Variants in CCSER1 observed in about 807,000 individuals in gnomAD.
CCSER1 encodes coiled-coil serine rich protein 1.
A neutral mutation model predicts 82.0 loss-of-function variants in CCSER1; 41 were observed. That is an observed-to-expected ratio of 0.50 (90% confidence interval 0.39 to 0.65). The LOEUF (loss-of-function observed/expected upper bound fraction) is 0.65, where lower values mean the gene tolerates loss of function less well. Among genes scored for constraint, CCSER1 ranks in the 30% least tolerant of loss-of-function variants. The pLI, the probability that CCSER1 is intolerant of heterozygous loss-of-function variation, is 0.00. For synonymous variants in CCSER1, 414 were observed against 383.9 expected (o/e 1.08, Z -0.92); for missense variants, 1,119 against 1,064.2 (o/e 1.05, Z -0.72).
At chr4:90,476,537 A>C (rs1437620568) in intron 5 of CCSER1, among the ~76,000 whole-genome samples, 1 of 152,070 alleles carries the variant, frequency 6.6e-6, no homozygotes, top group Non-Finnish European at 1.5e-5. Flanking sequence ...GATTGCCATC[A>C]ATCTTCTGTA....
At chr4:90,176,608 C>G (rs2153382401) in intron 1 of CCSER1, among the ~76,000 whole-genome samples, 1 of 151,532 alleles carries the variant, frequency 6.6e-6, no homozygotes, top group Non-Finnish European at 1.5e-5. Context: ...TTTTTTTTTC[C>G]CATAAGAGTT....
chr4:90,360,962 T>C (rs1235467589), intron 3 of CCSER1, among the ~76,000 whole-genome samples: 1 of 152,194 alleles, frequency 6.6e-6, no homozygotes. Context: ...TAAATAAAAT[T>C]GAATGATTTT....
chr4:90,147,484 T>A (rs537626805), intron 1 of CCSER1, among the ~76,000 whole-genome samples: 7 of 152,170 alleles, frequency 4.6e-5, no homozygotes, highest in African/African-American at 1.7e-4. Context: ...ATTATAGATA[T>A]AAAAGTAGTA....
chr4:90,308,501 A>C lies in CCSER1; in HGVS notation c.217A>C (p.Lys73Gln). The C allele has an allele frequency of 6.2e-7, 1 of 1,613,872 alleles. No individual in the cohort carries two copies. Among genetic ancestry groups the C allele is most frequent in the Non-Finnish European group, 8.5e-7 (1 of 1,179,834 alleles). Reference protein sequence around the residue: ...FRTPSISFHHKKGSEPKQEPT... With the variant: ...FRTPSISFHHQKGSEPKQEPT... The stretch of plus-strand genomic sequence containing the variant: ...TACTCCTTCCATTAGCTTCCACCAT[A>C]AGAAGGGGAGTGAGCCTAAGCAAGA... The change falls in exon 2 of 11, where the codon AAG becomes CAG. Residue 73 changes from lysine to glutamine, a missense_variant. By Grantham distance (53) the Lys-to-Gln change is moderately conservative. Transcript: ENST00000509176.
chr4:90,423,251 G>A (rs937159683), intron 4 of CCSER1, among the ~76,000 whole-genome samples: 1 of 151,966 alleles, frequency 6.6e-6, no homozygotes, highest in Admixed American at 6.6e-5. Context: ...TTTTGAGATG[G>A]AGTCTTGCTC....
intron 5 of CCSER1, among the ~76,000 whole-genome samples, chr4:90,598,952 G>A (rs1783705388): frequency 1.3e-5 from 2 of 152,198 alleles, no homozygotes; most frequent in South Asian, 4.1e-4. Flanking sequence ...GAATGCAGTG[G>A]CTACTGGCCA....
At chr4:91,588,189 T>C (rs1764098909) in intron 10 of CCSER1, among the ~76,000 whole-genome samples, 1 of 151,480 alleles carries the variant, frequency 6.6e-6, no homozygotes, top group Non-Finnish European at 1.5e-5. Context: ...TTAGCAGACT[T>C]TTTGCGACTA....
At chr4:90,406,663 G>A (rs1753782368) in intron 4 of CCSER1, among the ~76,000 whole-genome samples, 1 of 152,076 alleles carries the variant, frequency 6.6e-6, no homozygotes, top group East Asian at 1.9e-4. Flanking sequence ...TATTCCTTCA[G>A]AGCACAGTGG....
At chr4:91,245,854 G>A (rs554762175) in intron 10 of CCSER1, among the ~76,000 whole-genome samples, 2 of 152,148 alleles carry the variant, frequency 1.3e-5, no homozygotes, top group South Asian at 2.1e-4. Flanking sequence ...GTGCCACGAC[G>A]TCCGGTTAGT....
chr4:91,402,636 A>G (rs957255896), intron 10 of CCSER1, among the ~76,000 whole-genome samples: 3 of 152,256 alleles, frequency 2.0e-5, no homozygotes, highest in African/African-American at 7.2e-5. Flanking sequence ...TCCCAGCACC[A>G]TTTGTTAAAT....
chr4:91,244,483 A>G (rs930312671), intron 10 of CCSER1, among the ~76,000 whole-genome samples: 2 of 152,192 alleles, frequency 1.3e-5, no homozygotes, highest in Non-Finnish European at 2.9e-5. Flanking sequence ...GCAGAGAGAG[A>G]AAGTCTCTGC....
chr4:90,568,151 A>G (rs1307951415), intron 5 of CCSER1, among the ~76,000 whole-genome samples: 3 of 152,204 alleles, frequency 2.0e-5, no homozygotes, highest in East Asian at 3.8e-4. Flanking sequence ...TGAGAATAAT[A>G]TGTATTCTTC....
At chr4:90,895,142 TAA>T (rs1723521442) in intron 8 of CCSER1, among the ~76,000 whole-genome samples, 1 of 151,978 alleles carries the variant, frequency 6.6e-6, no homozygotes. Flanking sequence ...ATTTATTATA[TAA>T]GATTGTTATT....
chr4:91,377,788 C>T (rs1578307640), intron 10 of CCSER1, among the ~76,000 whole-genome samples: 1 of 152,188 alleles, frequency 6.6e-6, no homozygotes. Flanking sequence ...CTTTTGTTGC[C>T]ATTGCTTTTG....
intron 1 of CCSER1, among the ~76,000 whole-genome samples, chr4:90,251,865 G>A: frequency 6.6e-6 from 1 of 151,588 alleles, no homozygotes; most frequent in East Asian, 1.9e-4. Context: ...AATAATTTGA[G>A]TCTTTTCTCA....
chr4:91,539,770 T>C (rs1163774069), intron 10 of CCSER1, among the ~76,000 whole-genome samples: 1 of 152,130 alleles, frequency 6.6e-6, no homozygotes, highest in Non-Finnish European at 1.5e-5. Flanking sequence ...CCTACTTCTG[T>C]ACCACCTTCT....
At chr4:91,512,896 A>G (rs904097574) in intron 10 of CCSER1, among the ~76,000 whole-genome samples, 2 of 152,148 alleles carry the variant, frequency 1.3e-5, no homozygotes, top group African/African-American at 4.8e-5. Flanking sequence ...GTATAGAATC[A>G]TATCTTGAAT....
At chr4:90,838,064 T>C (rs1762031911) in intron 8 of CCSER1, among the ~76,000 whole-genome samples, 1 of 151,952 alleles carries the variant, frequency 6.6e-6, no homozygotes, top group Non-Finnish European at 1.5e-5. Flanking sequence ...AGCAATTCAG[T>C]ATAAAAAAGA....
chr4:90,770,042 T>A (rs1751837097), intron 7 of CCSER1, among the ~76,000 whole-genome samples: 1 of 152,186 alleles, frequency 6.6e-6, no homozygotes, highest in Non-Finnish European at 1.5e-5. Context: ...GGGGCCCATT[T>A]GTGAGGCTCT....
Sources: gnomAD v4.1 joint callset for allele counts (sites outside exome capture counted in the v4.1 genomes callset) on GRCh38, gnomAD v4.1.1 for gene constraint, MANE v1.5 for transcripts, NCBI Gene and HGNC (gene_info 2026-07-23, HGNC 2026-07-21) for gene names.